The following PYM1 variants were observed in gnomAD, a reference collection of about 807,000 sequenced individuals.
PYM1 encodes PYM1 exon junction complex associated factor.
In PYM1, 7 loss-of-function variants were observed where a neutral mutation model predicts 20.7. The observed-to-expected ratio is 0.34, with a 90% CI of 0.19 to 0.64. PYM1 has a LOEUF of 0.64. PYM1 is among the 30% of genes least tolerant of loss of function. The probability of loss-of-function intolerance (pLI) is 0.74; values close to 1 mark genes in which losing one functional copy is unlikely to be tolerated. For synonymous variants in PYM1, 100 were observed against 99.2 expected (o/e 1.01, Z -0.05); for missense variants, 194 against 250.0 (o/e 0.78, Z 1.51).
intron 1 of PYM1, among the ~76,000 whole-genome samples, chr12:55,911,734 G>A (rs929958486): frequency 2.0e-5 from 3 of 151,594 alleles, no homozygotes; most frequent in East Asian, 3.9e-4. Context: ...CCAGCTACTC[G>A]GGAGGCTGAG....
At chr12:55,908,484 AG>A (rs1882864675) in intron 1 of PYM1, among the ~76,000 whole-genome samples, 1 of 151,930 alleles carries the variant, frequency 6.6e-6, no homozygotes, top group African/African-American at 2.4e-5. Flanking sequence ...ATAAATGTCT[AG>A]GGCCTCCTAC....
intron 1 of PYM1, among the ~76,000 whole-genome samples, chr12:55,910,252 C>CATATATATGTATATATAT (rs1555180836): frequency 7.0e-6 from 1 of 142,742 alleles, no homozygotes; most frequent in African/African-American, 2.5e-5. Flanking sequence ...TGGTTTTATA[C>CATATATATGTATATATAT]ATATATATAT....
intron 1 of PYM1, among the ~76,000 whole-genome samples, chr12:55,906,357 G>C (rs1481982215): frequency 1.3e-5 from 2 of 151,788 alleles, no homozygotes; most frequent in African/African-American, 2.4e-5. Context: ...GATATCCTTA[G>C]GTGAAACTGG....
At chr12:55,912,229 G>A (rs983430819) in intron 1 of PYM1, among the ~76,000 whole-genome samples, 2 of 151,820 alleles carry the variant, frequency 1.3e-5, no homozygotes, top group Non-Finnish European at 2.9e-5. Flanking sequence ...GTGCATGCCT[G>A]TAGTCCCAGC....
intron 2 of PYM1, among the ~76,000 whole-genome samples, chr12:55,903,037 C>T (rs1471033655): frequency 6.6e-6 from 1 of 152,176 alleles, no homozygotes; most frequent in East Asian, 1.9e-4. Flanking sequence ...CCTGCCTAGG[C>T]CTCCCAAAGT....
chr12:55,905,427 C>T (rs1882778200), intron 1 of PYM1, among the ~76,000 whole-genome samples: 1 of 151,572 alleles, frequency 6.6e-6, no homozygotes, highest in Non-Finnish European at 1.5e-5. Context: ...CTTGGCAGGG[C>T]ACAGTAGCTC....
chr12:55,912,192 A>T (rs900013561), intron 1 of PYM1, among the ~76,000 whole-genome samples: 10 of 147,390 alleles, frequency 6.8e-5, no homozygotes, highest in South Asian at 4.3e-4. Context: ...CTACGAAAAT[A>T]AAAAAAAAAA....
intron 1 of PYM1, among the ~76,000 whole-genome samples, chr12:55,924,736 G>C (rs915996722): frequency 6.6e-6 from 1 of 152,160 alleles, no homozygotes; most frequent in African/African-American, 2.4e-5. Context: ...GAGTGCAGTG[G>C]TGCGAACTCA....
intron 1 of PYM1, among the ~76,000 whole-genome samples, chr12:55,911,099 G>A (rs1882914831): frequency 6.6e-6 from 1 of 152,064 alleles, no homozygotes; most frequent in East Asian, 1.9e-4. Context: ...TGTTAATACA[G>A]AATTTTATTT....
At chr12:55,908,350 G>A (rs1882861907) in intron 1 of PYM1, among the ~76,000 whole-genome samples, 1 of 151,392 alleles carries the variant, frequency 6.6e-6, no homozygotes, top group South Asian at 2.1e-4. Context: ...AATTGCTTGA[G>A]CCCAGGAGGT....
At chr12:55,916,249 T>G (rs746255697) in intron 1 of PYM1, among the ~76,000 whole-genome samples, 3 of 150,166 alleles carry the variant, frequency 2.0e-5, no homozygotes, top group Non-Finnish European at 4.5e-5. Flanking sequence ...ACAGGAGAAT[T>G]GCTTGAAGTC....
intron 2 of PYM1, 126 bp downstream of exon 2, chr12:55,903,257 CAGAT>C (rs1882727401): frequency 1.4e-6 from 1 of 729,278 alleles, no homozygotes. Context: ...TCTCCTTTCT[CAGAT>C]AGTTGCCCCT....
intron 1 of PYM1, among the ~76,000 whole-genome samples, chr12:55,904,837 A>T (rs1882764556): frequency 6.6e-6 from 1 of 151,716 alleles, no homozygotes; most frequent in Non-Finnish European, 1.5e-5. Flanking sequence ...CAAAAAAAAT[A>T]AAATAAATGT....
intron 1 of PYM1, among the ~76,000 whole-genome samples, chr12:55,918,332 C>A (rs951439466): frequency 1.3e-5 from 2 of 152,220 alleles, no homozygotes; most frequent in African/African-American, 4.8e-5. Flanking sequence ...AATCTCCTGA[C>A]CTCATGATCC....
intron 1 of PYM1, among the ~76,000 whole-genome samples, chr12:55,904,315 C>G (rs1281195444): frequency 6.6e-5 from 10 of 151,100 alleles, no homozygotes; most frequent in African/African-American, 2.2e-4. Flanking sequence ...AAAAGCTGGC[C>G]AGGCACGGTG....
chr12:55,912,232 G>A (rs1882936219), intron 1 of PYM1, among the ~76,000 whole-genome samples: 1 of 151,352 alleles, frequency 6.6e-6, no homozygotes, highest in Admixed American at 6.6e-5. Context: ...CATGCCTGTA[G>A]TCCCAGCTAC....
intron 1 of PYM1, chr12:55,913,936 A>C (rs539849973): frequency 5.4e-6 from 1 of 184,124 alleles, no homozygotes; most frequent in African/African-American, 2.3e-5. Flanking sequence ...TAGAGTATAC[A>C]TTCTAGTGAG....
Position 55,901,621 on chromosome 12 carries a change from A to C in PYM1, c.*251T>G. On this transcript the variant is annotated 3_prime_UTR_variant, in exon 3 of 3. Transcript: ENST00000408946. ...AAACAAGACACCCAAATCAGCAGCAAAGGTACCTGGGGTAGTCACTGAGAT... is the reference window on the plus strand; with the variant it reads ...AAACAAGACACCCAAATCAGCAGCACAGGTACCTGGGGTAGTCACTGAGAT... 2 of 446,044 alleles carry C rather than the reference A, an allele frequency of 4.5e-6. No individual in the cohort carries two copies. Among genetic ancestry groups the C allele is most frequent in the Admixed American group, 3.9e-5 (1 of 25,810 alleles). The allele number at this position is 446,044 out of a possible 1,614,324, so 27.6% of individuals were successfully genotyped here.
chr12:55,903,380 C>T lies in PYM1; in HGVS notation c.131+7G>A. 1 of 1,613,774 alleles carries T rather than the reference C, an allele frequency of 6.2e-7. No homozygotes were observed. The highest frequency in any genetic ancestry group is 1.1e-5 in the South Asian group (1 of 91,076). On this transcript the variant is annotated splice_region_variant and intron_variant, in intron 2 of 2. Coordinates refer to ENST00000408946, the MANE Select transcript of PYM1 (RefSeq NM_032345.3). Reference sequence around the variant, plus strand: ...AGAAAACCCCTACGCAAAGCCTAACCACGTACACTGGGACCTCCTCCTGGG... The same window carrying T: ...AGAAAACCCCTACGCAAAGCCTAACTACGTACACTGGGACCTCCTCCTGGG...
Sources: gnomAD v4.1 joint callset for allele counts (sites outside exome capture counted in the v4.1 genomes callset) on GRCh38, gnomAD v4.1.1 for gene constraint, MANE v1.5 for transcripts, NCBI Gene and HGNC (gene_info 2026-07-23, HGNC 2026-07-21) for gene names.